The following MFAP3L variants were observed in gnomAD, a reference collection of about 807,000 sequenced individuals.
MFAP3L encodes microfibrillar-associated protein 3-like.
Under a neutral mutation model 20.0 loss-of-function variants are expected in MFAP3L, and 5 were observed. The ratio of observed to expected loss-of-function variants is 0.25; its 90% CI spans 0.13 to 0.53. The LOEUF (loss-of-function observed/expected upper bound fraction) is 0.53. MFAP3L is among the 20% of genes least tolerant of loss of function. The probability of loss-of-function intolerance (pLI) is 0.96; values close to 1 mark genes in which losing one functional copy is unlikely to be tolerated. For synonymous variants in MFAP3L, 219 were observed against 213.0 expected, an observed-to-expected ratio of 1.03 and a Z score of -0.25; for missense variants, 409 against 527.5, an observed-to-expected ratio of 0.78 and a Z score of 2.20.
chr4:170,013,142 T>A (rs1739488391), intron 1 of MFAP3L, among the ~76,000 whole-genome samples: 1 of 152,232 alleles, frequency 6.6e-6, no homozygotes, highest in South Asian at 2.1e-4. Context: ...TCACATGGTA[T>A]GTTTTTCTGA....
intron 2 of MFAP3L, chr4:169,997,677 G>A (rs1374261419): frequency 2.0e-6 from 2 of 980,832 alleles, no homozygotes; most frequent in African/African-American, 3.5e-5. Context: ...GCAGTGGAAA[G>A]TGACGGCTGC....
chr4:170,007,268 C>T (rs552508736), intron 1 of MFAP3L, among the ~76,000 whole-genome samples: 2 of 152,258 alleles, frequency 1.3e-5, no homozygotes, highest in East Asian at 1.9e-4. Context: ...AACCCTGTGG[C>T]GAAGGGAGAT....
intron 1 of MFAP3L, among the ~76,000 whole-genome samples, chr4:170,022,668 G>C (rs558365501): frequency 1.3e-5 from 2 of 152,184 alleles, no homozygotes; most frequent in Non-Finnish European, 2.9e-5. Flanking sequence ...TAATCACAAA[G>C]GTTCTTTCAC....
rs1581439421 is a variant in MFAP3L, at chr4:169,991,561, C to T, written c.1047G>A (p.Ser349=). 13 of 1,613,952 alleles carry T rather than the reference C, an allele frequency of 8.1e-6. No homozygotes were observed. The highest frequency in any genetic ancestry group is 1.7e-5 in the Admixed American group (1 of 59,998). The change falls in exon 3 of 3, where the codon TCG becomes TCA. Residue 349 remains serine, a synonymous_variant. Transcript: ENST00000361618. This position sits in a 1 kb window ranked among gnomAD's most constrained non-coding sequence, Gnocchi z 4.9. ...EVKDVEETEL[S]AEHSPETAEP... Reference sequence around the variant, plus strand: ...CTGCAGTTTCGGGGGAATGTTCCGCCGACAGTTCTGTCTCCTCTACATCTT... The same window carrying T: ...CTGCAGTTTCGGGGGAATGTTCCGCTGACAGTTCTGTCTCCTCTACATCTT...
intron 1 of MFAP3L, among the ~76,000 whole-genome samples, chr4:170,019,604 G>A (rs945038433): frequency 2.6e-5 from 4 of 152,170 alleles, no homozygotes; most frequent in Admixed American, 2.0e-4. Context: ...TTGTTAAGAG[G>A]TACTGCTTTC....
At chr4:169,994,372 A>C in intron 2 of MFAP3L, 2 of 985,192 alleles carry the variant, frequency 2.0e-6, no homozygotes, top group Non-Finnish European at 2.4e-6. Flanking sequence ...GGTACAGAAG[A>C]GGAGAACACT....
At chr4:170,010,015 C>T (rs747212789) in intron 1 of MFAP3L, among the ~76,000 whole-genome samples, 147 of 152,254 alleles carry the variant, frequency 9.7e-4, no homozygotes, top group Admixed American at 1.0e-3. Context: ...TTTTAATTTG[C>T]GTGGGAATGA....
intron 1 of MFAP3L, among the ~76,000 whole-genome samples, chr4:170,010,712 T>C (rs1739322483): frequency 6.6e-6 from 1 of 152,154 alleles, no homozygotes; most frequent in South Asian, 2.1e-4. Context: ...GTTAATGAGC[T>C]GTTCATGTCA....
At chr4:170,020,107 T>C (rs1003616090) in intron 1 of MFAP3L, among the ~76,000 whole-genome samples, 1 of 152,152 alleles carries the variant, frequency 6.6e-6, no homozygotes, top group Admixed American at 6.5e-5. Context: ...CTGAAGTCCC[T>C]TTTGGTTAAG....
chr4:170,017,706 CT>C lies in MFAP3L; in HGVS notation c.-134+8527del, dbSNP rs1390782753. ...TATTCCATCTTAATAATCTTCCTGA[CT>C]TTAGTGGTTAAGATCAGTCTTCCAC... On this transcript the variant is annotated intron_variant, in intron 1 of 2. Coordinates refer to ENST00000361618, the MANE Select transcript of MFAP3L (RefSeq NM_021647.8). Among the ~76,000 whole-genome samples, 3 of 152,152 alleles carry C rather than the reference CT, an allele frequency of 2.0e-5. No individual in the cohort carries two copies. In the East Asian group the frequency reaches 5.8e-4, roughly 29 times the overall value.
chr4:170,009,161 G>T (rs1291143536), intron 1 of MFAP3L, among the ~76,000 whole-genome samples: 5 of 152,014 alleles, frequency 3.3e-5, no homozygotes, highest in Non-Finnish European at 7.4e-5. Flanking sequence ...GACGCAGGCG[G>T]ATCACGAGGT....
At position 169,988,910 on chromosome 4, in the gene MFAP3L, C is replaced by A. The variant is rs1298256103; in HGVS notation, c.*2468G>T. ...CTGCTCTTGCTCCACTGAAAATCTG[C>A]CCACTTTTAGCTTATTATCACTATT... On this transcript the variant is annotated 3_prime_UTR_variant, in exon 3 of 3. Transcript: ENST00000361618. The A allele has an allele frequency of 6.6e-6, 1 of 152,130 alleles. No homozygotes were observed. Among genetic ancestry groups the A allele is most frequent in the Non-Finnish European group, 1.5e-5 (1 of 68,028 alleles). 9.4% of individuals were successfully genotyped at this position (152,130 alleles called of 1,614,324 possible).
chr4:169,997,860 T>C, intron 2 of MFAP3L: 1 of 946,560 alleles, frequency 1.1e-6, no homozygotes, highest in Non-Finnish European at 1.3e-6. Flanking sequence ...TCCCATGCAC[T>C]GCAGGTAGTT....
At chr4:169,998,348 A>C (rs1304697751) in intron 2 of MFAP3L, among the ~76,000 whole-genome samples, 57 of 152,262 alleles carry the variant, frequency 3.7e-4, no homozygotes, top group Non-Finnish European at 3.7e-4. Flanking sequence ...CCAACAGATG[A>C]CAACATCAGA....
chr4:169,993,064 G>A (rs936043555), intron 2 of MFAP3L, among the ~76,000 whole-genome samples: 2 of 152,186 alleles, frequency 1.3e-5, no homozygotes, highest in Non-Finnish European at 2.9e-5. Context: ...AACACATACT[G>A]ATAATAAATG....
intron 1 of MFAP3L, among the ~76,000 whole-genome samples, chr4:170,020,220 C>G (rs1739942357): frequency 6.6e-6 from 1 of 152,180 alleles, no homozygotes; most frequent in Non-Finnish European, 1.5e-5. Flanking sequence ...GACAGGTGGG[C>G]CTTCCACATT....
chr4:170,001,909 A>T (rs998295862), intron 2 of MFAP3L: 16 of 984,700 alleles, frequency 1.6e-5, no homozygotes, highest in African/African-American at 1.7e-5. Context: ...AATGACAGGA[A>T]ATAGCCCCAT....
Position 169,988,535 on chromosome 4 carries a change from G to C in MFAP3L, c.*2843C>G, listed in dbSNP as rs1267634086. On this transcript the variant is annotated 3_prime_UTR_variant, in exon 3 of 3. Coordinates refer to ENST00000361618, the MANE Select transcript of MFAP3L (RefSeq NM_021647.8). ...GCCCAAATGAGTCCAATGTGCACGA[G>C]TGTGTATGCACACACGTTCAGTCAC... 2.0e-5 allele frequency: 3 copies of C among 152,198 alleles called. No homozygotes were observed. Among genetic ancestry groups the C allele is most frequent in the African/African-American group, 7.2e-5 (3 of 41,444 alleles). 9.4% of individuals were successfully genotyped at this position (152,198 alleles called of 1,614,324 possible).
chr4:170,027,260 ACT>A (rs1239126905), upstream of MFAP3L: 10 of 134,626 alleles, frequency 7.4e-5, no homozygotes, highest in South Asian at 7.0e-4. Context: ...GAGAACAGAG[ACT>A]CTCAATTTCT....
Sources: allele counts gnomAD v4.1 joint callset (sites outside exome capture counted in the v4.1 genomes callset), GRCh38; gene constraint gnomAD v4.1.1; non-coding constraint Gnocchi (gnomAD v3.1); transcripts MANE v1.5; gene names NCBI Gene and HGNC (gene_info 2026-07-23, HGNC 2026-07-21).